Variants in PTPRD observed in about 807,000 individuals in gnomAD.
The protein encoded by PTPRD is receptor-type tyrosine-protein phosphatase delta.
PTPRD carries 34 observed loss-of-function variants against 214.5 expected under a neutral mutation model. That is an observed-to-expected ratio of 0.16 (90% CI 0.12 to 0.21). The LOEUF (loss-of-function observed/expected upper bound fraction) is 0.21, where lower values mean the gene tolerates loss of function less well. Among genes scored for constraint, PTPRD ranks in the 10% least tolerant of loss-of-function variants. The pLI is 1.00. For synonymous variants in PTPRD, 1,128 were observed against 845.7 expected, an observed-to-expected ratio of 1.33 and a Z score of -5.79; for missense variants, 2,545 against 2,398.7, an observed-to-expected ratio of 1.06 and a Z score of -1.27.
intron 3 of PTPRD, among the ~76,000 whole-genome samples, chr9:10,318,894 T>C (rs546056489): frequency 6.6e-6 from 1 of 152,080 alleles, no homozygotes; most frequent in Non-Finnish European, 1.5e-5. Flanking sequence ...CTGCCTAGTA[T>C]GGTGATTCTA....
intron 5 of PTPRD, among the ~76,000 whole-genome samples, chr9:9,778,524 G>C (rs571356544): frequency 6.6e-6 from 1 of 152,272 alleles, no homozygotes; most frequent in East Asian, 1.9e-4. Context: ...TCCGAGTCAG[G>C]AGAGGGCAAG....
chr9:9,565,964 G>C lies in PTPRD; in HGVS notation c.-237+8768C>G, dbSNP rs187788011. Among the ~76,000 whole-genome samples, 123 of 152,048 alleles carry C rather than the reference G, an allele frequency of 8.1e-4. 1 individual carries two copies. Among genetic ancestry groups the C allele is most frequent in the East Asian group, 7.3e-3 (38 of 5,174 alleles). ...CATTTTTTTACTCTCTAACAGGCCA[G>C]AAGTGTCAGATGGATTTATAAATAT... On this transcript the variant is annotated intron_variant, in intron 8 of 45. Coordinates refer to ENST00000381196, the MANE Select transcript of PTPRD (RefSeq NM_002839.4).
At chr9:10,272,985 C>T (rs897089959) in intron 3 of PTPRD, among the ~76,000 whole-genome samples, 17 of 152,150 alleles carry the variant, frequency 1.1e-4, no homozygotes, top group Admixed American at 9.2e-4. Flanking sequence ...CACTGTCAAA[C>T]ATAGAAAGAT....
At chr9:8,840,114 G>A (rs538363462) in intron 11 of PTPRD, among the ~76,000 whole-genome samples, 38 of 152,062 alleles carry the variant, frequency 2.5e-4, no homozygotes, top group Non-Finnish European at 4.7e-4. Flanking sequence ...GGTATAGAAC[G>A]GTAACATCAG....
chr9:8,356,868 T>C (rs1352067289), intron 39 of PTPRD, among the ~76,000 whole-genome samples: 1 of 152,110 alleles, frequency 6.6e-6, no homozygotes, highest in Non-Finnish European at 1.5e-5. Context: ...AACTGCAACA[T>C]AGGTCAAAGG....
intron 4 of PTPRD, among the ~76,000 whole-genome samples, chr9:9,958,499 C>T (rs758735258): frequency 6.6e-6 from 1 of 152,160 alleles, no homozygotes; most frequent in Non-Finnish European, 1.5e-5. Context: ...CCATTGCACT[C>T]CAGCCTGGGT....
intron 11 of PTPRD, among the ~76,000 whole-genome samples, chr9:8,985,236 T>C (rs1406333080): frequency 1.3e-5 from 2 of 152,078 alleles, no homozygotes; most frequent in Non-Finnish European, 2.9e-5. Context: ...ACTAGGCATA[T>C]GTATGCATTT....
At chr9:8,955,686 G>C (rs1386841943) in intron 11 of PTPRD, among the ~76,000 whole-genome samples, 1 of 151,522 alleles carries the variant, frequency 6.6e-6, no homozygotes, top group Non-Finnish European at 1.5e-5. Flanking sequence ...GCAAAAAGAA[G>C]TCTTTAAAAT....
At chr9:9,989,629 T>A (rs939723360) in intron 4 of PTPRD, among the ~76,000 whole-genome samples, 18 of 152,126 alleles carry the variant, frequency 1.2e-4, no homozygotes, top group Admixed American at 1.1e-3. Flanking sequence ...CACGACCTCA[T>A]TCCTCCTGGA....
rs534611768 is a variant in PTPRD at position 10,395,466 on chromosome 9, T to G, written c.-599-54449A>C. Among the ~76,000 whole-genome samples, 29 of 152,052 alleles carry G rather than the reference T, an allele frequency of 1.9e-4. 2 individuals carry two copies. The South Asian group carries it at 5.2e-3, about 27-fold the overall frequency. ...TAAAGGCAGTCACCATGCCCTTTATTTCTTTCAAAATACTATCATTACTGA... is the reference window on the plus strand; with the variant it reads ...TAAAGGCAGTCACCATGCCCTTTATGTCTTTCAAAATACTATCATTACTGA... On this transcript the variant is annotated intron_variant, in intron 2 of 45. Coordinates refer to ENST00000381196, the MANE Select transcript of PTPRD (RefSeq NM_002839.4).
intron 3 of PTPRD, among the ~76,000 whole-genome samples, chr9:10,324,762 C>A (rs544691617): frequency 6.6e-6 from 1 of 152,104 alleles, no homozygotes; most frequent in African/African-American, 2.4e-5. Flanking sequence ...GAAAACATAA[C>A]CTCTATTCCA....
chr9:8,930,630 C>G (rs2098945952), intron 11 of PTPRD, among the ~76,000 whole-genome samples: 1 of 152,144 alleles, frequency 6.6e-6, no homozygotes, highest in South Asian at 2.1e-4. Context: ...CCTGTTGTTT[C>G]CTGACTTTTT....
intron 5 of PTPRD, among the ~76,000 whole-genome samples, chr9:9,774,127 T>C (rs547400574): frequency 3.3e-4 from 50 of 152,182 alleles, no homozygotes; most frequent in Non-Finnish European, 7.1e-4. Context: ...ATGCTAAGGA[T>C]ATCGGAATCA....
intron 11 of PTPRD, among the ~76,000 whole-genome samples, chr9:8,863,594 C>T (rs766545550): frequency 2.7e-4 from 41 of 152,234 alleles, no homozygotes; most frequent in Non-Finnish European, 4.1e-4. Flanking sequence ...TGTTTCCTAA[C>T]AAAATTGTGT....
intron 2 of PTPRD, among the ~76,000 whole-genome samples, chr9:10,373,842 C>T (rs1277026963): frequency 6.6e-6 from 1 of 152,078 alleles, no homozygotes; most frequent in Non-Finnish European, 1.5e-5. Context: ...CAGCTGCTGA[C>T]TCCTGAAGCC....
chr9:10,482,179 G>T (rs1251436601), intron 2 of PTPRD, among the ~76,000 whole-genome samples: 3 of 151,974 alleles, frequency 2.0e-5, no homozygotes, highest in Non-Finnish European at 4.4e-5. Context: ...AGACCAGCCC[G>T]GCTAACACAG....
chr9:8,569,075 C>A (rs919697421), intron 14 of PTPRD, among the ~76,000 whole-genome samples: 1 of 152,052 alleles, frequency 6.6e-6, no homozygotes, highest in African/African-American at 2.4e-5. Flanking sequence ...TCCTTCCTAC[C>A]TCCAGAGGCT....
intron 3 of PTPRD, among the ~76,000 whole-genome samples, chr9:10,276,204 A>G (rs1395729458): frequency 6.6e-6 from 1 of 152,240 alleles, no homozygotes; most frequent in Non-Finnish European, 1.5e-5. Context: ...AAACATATGA[A>G]CAGGCCTTAA....
chr9:8,750,057 G>A (rs974464739), intron 11 of PTPRD, among the ~76,000 whole-genome samples: 9 of 151,432 alleles, frequency 5.9e-5, no homozygotes, highest in African/African-American at 7.3e-5. Flanking sequence ...AGCCAAGCTC[G>A]CGCCACTGCA....
Sources: gnomAD v4.1 joint callset for allele counts (sites outside exome capture counted in the v4.1 genomes callset) on GRCh38, gnomAD v4.1.1 for gene constraint, MANE v1.5 for transcripts, NCBI Gene and HGNC (gene_info 2026-07-23, HGNC 2026-07-21) for gene names.